The following NCKAP5L variants were observed in gnomAD, a reference collection of about 807,000 sequenced individuals.
NCKAP5L encodes the protein nck-associated protein 5-like.
A neutral mutation model predicts 103.2 loss-of-function variants in NCKAP5L; 54 were observed. That is an observed-to-expected ratio of 0.52 (90% CI 0.42 to 0.66). The LOEUF (loss-of-function observed/expected upper bound fraction) is 0.66. NCKAP5L is among the 30% of genes least tolerant of loss of function. The probability of loss-of-function intolerance (pLI) is 0.00; values close to 1 mark genes in which losing one functional copy is unlikely to be tolerated. For missense variants in NCKAP5L, 1,733 were observed against 1,750.6 expected, an observed-to-expected ratio of 0.99 and a Z score of 0.18; for synonymous variants, 762 against 748.6, an observed-to-expected ratio of 1.02 and a Z score of -0.29.
intron 5 of NCKAP5L, 114 bp from the exon 6 acceptor site, chr12:49,802,081 C>T: frequency 7.0e-6 from 9 of 1,279,000 alleles, no homozygotes; most frequent in Non-Finnish European, 8.6e-6. Flanking sequence ...CCCTTCTGGG[C>T]ACACACTTCC....
intron 1 of NCKAP5L, among the ~76,000 whole-genome samples, chr12:49,823,475 G>C (rs549136281): frequency 9.9e-5 from 15 of 152,156 alleles, no homozygotes; most frequent in African/African-American, 3.6e-4. Flanking sequence ...GAAAAACCTT[G>C]ACCATTGGCC....
chr12:49,792,404 C>T lies in NCKAP5L; in HGVS notation c.3792+42G>A, dbSNP rs777805315. ...ACTGGTCTCCCCACATCACTCCCTC[C>T]TGCTCCCGAGTCCTTTCCCTTTCCT... On this transcript the variant is annotated intron_variant, in intron 12 of 12. Transcript: ENST00000335999. The surrounding 1 kb of genome is among the most constrained non-coding windows in gnomAD (Gnocchi z 4.5). 1 of 1,608,416 alleles carries T rather than the reference C, an allele frequency of 6.2e-7. No homozygotes were observed. The highest frequency in any genetic ancestry group is 1.3e-5 in the African/African-American group (1 of 74,848).
chr12:49,821,207 C>A (rs900176270), intron 1 of NCKAP5L, among the ~76,000 whole-genome samples: 1 of 152,128 alleles, frequency 6.6e-6, no homozygotes, highest in Non-Finnish European at 1.5e-5. Flanking sequence ...GCCTGGGGGA[C>A]AGGAAGTGAG....
At chr12:49,818,145 A>C (rs953699311) in intron 1 of NCKAP5L, among the ~76,000 whole-genome samples, 4 of 151,932 alleles carry the variant, frequency 2.6e-5, no homozygotes, top group Non-Finnish European at 4.4e-5. Context: ...AAAAAAAAAA[A>C]ACAAAAAAAC....
Position 49,791,917 on chromosome 12 carries a change from GC to G in NCKAP5L, c.3926del (p.Gly1309AlafsTer59). On this transcript the variant is annotated frameshift_variant, in exon 13 of 13. Coordinates refer to ENST00000335999, the MANE Select transcript of NCKAP5L (RefSeq NM_001037806.4). LOFTEE classifies it high-confidence loss of function. ...ACTCCGAGGTCTCCAGCCCTGGGGG[GC>G]CCCCGCTGGCCACTCTGCCTTCCTC... ...MAEEGRVASG[G>X]PPGLETSESL... is the part of the protein sequence containing the mutation. The G allele has an allele frequency of 6.2e-7, 1 of 1,611,834 alleles. No individual in the cohort carries two copies. Among genetic ancestry groups the G allele is most frequent in the Non-Finnish European group, 8.5e-7 (1 of 1,179,342 alleles).
chr12:49,820,421 A>T (rs1220644443), intron 1 of NCKAP5L, among the ~76,000 whole-genome samples: 1 of 149,116 alleles, frequency 6.7e-6, no homozygotes, highest in African/African-American at 2.5e-5. Flanking sequence ...GGTTCAAGCG[A>T]TTCTCCTGCC....
rs1946014855 is a variant in NCKAP5L at position 49,795,188 on chromosome 12, A to G, written c.2672T>C (p.Ile891Thr). 1.3e-6 allele frequency: 2 copies of G among 1,594,140 alleles called. No homozygotes were observed. Among genetic ancestry groups the G allele is most frequent in the Non-Finnish European group, 1.7e-6 (2 of 1,171,184 alleles). ...SAIEEKVMKG[I>T]EENVLRLQGQ... ...CTGGAGCCGCAGCACGTTCTCCTCA[A>G]TGCCCTTCATCACCTTCTCCTCGAT... The change falls in exon 8 of 13, where the codon ATT becomes ACT. Residue 891 changes from isoleucine to threonine, a missense_variant. Ile to Thr is a moderately conservative substitution (Grantham distance 89). Coordinates refer to ENST00000335999, the MANE Select transcript of NCKAP5L (RefSeq NM_001037806.4).
intron 1 of NCKAP5L, among the ~76,000 whole-genome samples, chr12:49,827,967 A>G (rs1946439645): frequency 6.6e-6 from 1 of 152,166 alleles, no homozygotes; most frequent in Non-Finnish European, 1.5e-5. Flanking sequence ...TGGGGTGAGC[A>G]GCTGGGGCAA....
chr12:49,798,471 G>C lies in NCKAP5L; in HGVS notation c.352-8C>G. 6.4e-7 allele frequency: 1 copy of C among 1,563,386 alleles called. No homozygotes were observed. Among genetic ancestry groups the C allele is most frequent in the Non-Finnish European group, 8.7e-7 (1 of 1,152,676 alleles). ...GAGTGGAGTGAGTGGGATCTGCAGA[G>C]GGAGAGGCAGAGTTAGCACAGTAGC... On this transcript the variant is annotated splice_region_variant and splice_polypyrimidine_tract_variant and intron_variant, in intron 6 of 12. Coordinates refer to ENST00000335999, the MANE Select transcript of NCKAP5L (RefSeq NM_001037806.4).
At chr12:49,825,526 A>G (rs1308662154) in intron 1 of NCKAP5L, among the ~76,000 whole-genome samples, 2 of 152,088 alleles carry the variant, frequency 1.3e-5, no homozygotes, top group Non-Finnish European at 2.9e-5. Context: ...CCAGCCTCAG[A>G]GCCACACCCC....
chr12:49,797,391 A>G lies in NCKAP5L; in HGVS notation c.469T>C (p.Cys157Arg), dbSNP rs779367544. The G allele has an allele frequency of 3.1e-6, 5 of 1,601,184 alleles. No individual in the cohort carries two copies. The South Asian group carries it at 3.3e-5, about 11-fold the overall frequency. ...CCTGGCCTCAGCTGCTGCTCCCAACATACCTTAGGGGAGAGATGATGGCAT... is the reference window on the plus strand; with the variant it reads ...CCTGGCCTCAGCTGCTGCTCCCAACGTACCTTAGGGGAGAGATGATGGCAT... ...LGHCAGQREV[C>R]WEQQLRPGGP... is the part of the protein sequence containing the mutation. Residue 157 changes from cysteine to arginine, a missense_variant, in exon 8 of 13, where the codon TGT becomes CGT. Coordinates refer to ENST00000335999, the MANE Select transcript of NCKAP5L (RefSeq NM_001037806.4). The surrounding 1 kb of genome is among the most constrained non-coding windows in gnomAD (Gnocchi z 4.5).
intron 6 of NCKAP5L, among the ~76,000 whole-genome samples, chr12:49,801,116 A>G (rs1946113397): frequency 6.6e-6 from 1 of 152,202 alleles, no homozygotes. Flanking sequence ...GCTGGGGGCC[A>G]AGAGCTGCCC....
In NCKAP5L at chr12:49,804,053, G is replaced by T. The variant is rs756418956; in HGVS notation, c.-9C>A. The T allele has an allele frequency of 1.2e-6, 2 of 1,608,824 alleles. No homozygotes were observed. The highest frequency in any genetic ancestry group is 4.5e-5 in the East Asian group (2 of 44,886). On this transcript the variant is annotated 5_prime_UTR_variant, in exon 3 of 13. Coordinates refer to ENST00000335999, the MANE Select transcript of NCKAP5L (RefSeq NM_001037806.4). ...TCCATGGCCTCTGACATCTGGCCCT[G>T]GGAACAAGGAAGAGAAGCCCCGGCA...
At chr12:49,806,466 A>C (rs1355308791) in intron 1 of NCKAP5L, among the ~76,000 whole-genome samples, 2 of 152,258 alleles carry the variant, frequency 1.3e-5, no homozygotes, top group African/African-American at 4.8e-5. Context: ...CAGATGAGGA[A>C]ACCGAGGAAC....
At chr12:49,816,348 A>T (rs1351506538) in intron 1 of NCKAP5L, among the ~76,000 whole-genome samples, 1 of 152,142 alleles carries the variant, frequency 6.6e-6, no homozygotes, top group African/African-American at 2.4e-5. Context: ...ACAGCTAAGA[A>T]CATACATGGG....
In NCKAP5L at chr12:49,797,237, G is replaced by A. The variant is rs1332858154; in HGVS notation, c.623C>T (p.Pro208Leu). The change falls in exon 8 of 13, where the codon CCT (proline) becomes CTT (leucine). Residue 208 changes from proline (P) to leucine (L), a missense_variant. Pro to Leu is a moderately conservative substitution (Grantham distance 98). Coordinates refer to ENST00000335999, the MANE Select transcript of NCKAP5L (RefSeq NM_001037806.4). This position sits in a 1 kb window ranked among gnomAD's most constrained non-coding sequence, Gnocchi z 4.5. ...EETDPLLLCS[P>L]ATPWRPPGQG... The stretch of plus-strand genomic sequence containing the variant: ...GCCTGGAGGCCGCCAGGGGGTGGCA[G>A]GTGAGCAGAGAAGCAAGGGGTCAGT... 1.2e-6 allele frequency: 2 copies of A among 1,613,400 alleles called. No individual in the cohort carries two copies. Among genetic ancestry groups the A allele is most frequent in the African/African-American group, 1.3e-5 (1 of 74,934 alleles).
Position 49,793,785 on chromosome 12 carries a change from G to A in NCKAP5L, c.3207C>T (p.Pro1069=). 6.2e-7 allele frequency: 1 copy of A among 1,605,858 alleles called. No individual in the cohort carries two copies. Among genetic ancestry groups the A allele is most frequent in the Non-Finnish European group, 8.5e-7 (1 of 1,175,858 alleles). ...DPKSPWPACG[P]RNGLVGPLQG... is the part of the protein sequence containing the mutation. ...GAAGAGGGCCCACCAGGCCATTCCG[G>A]GGCCCACAGGCTGGCCAGGGGCTCT... The change falls in exon 9 of 13, where the codon CCC becomes CCT. Residue 1069 remains proline, a synonymous_variant. Transcript: ENST00000335999.
intron 1 of NCKAP5L, among the ~76,000 whole-genome samples, chr12:49,807,350 T>C (rs746932649): frequency 1.2e-4 from 18 of 152,142 alleles, no homozygotes; most frequent in South Asian, 2.1e-4. Context: ...TTTTTTTATT[T>C]TTTAAAGAGA....
intron 6 of NCKAP5L, among the ~76,000 whole-genome samples, chr12:49,799,669 A>G (rs1272058786): frequency 2.6e-5 from 4 of 152,018 alleles, no homozygotes; most frequent in Non-Finnish European, 5.9e-5. Flanking sequence ...ATGCCTGCCC[A>G]TTGCCCATGG....
Sources: gnomAD v4.1 joint callset for allele counts (sites outside exome capture counted in the v4.1 genomes callset) on GRCh38, gnomAD v4.1.1 for gene constraint, Gnocchi (gnomAD v3.1) non-coding constraint, MANE v1.5 for transcripts, NCBI Gene and HGNC (gene_info 2026-07-23, HGNC 2026-07-21) for gene names.